The following PLXNA1 variants were observed in gnomAD, a reference collection of about 807,000 sequenced individuals.
PLXNA1 encodes the protein plexin-A1.
Under a neutral mutation model 191.7 loss-of-function variants are expected in PLXNA1, and 77 were observed. That is an observed-to-expected ratio of 0.40 (90% CI 0.33 to 0.49). PLXNA1 has a LOEUF of 0.49. PLXNA1 is among the 20% of genes least tolerant of loss of function. The pLI is 0.63. For missense variants in PLXNA1, 2,110 were observed against 2,660.2 expected, an observed-to-expected ratio of 0.79 and a Z score of 4.55; for synonymous variants, 1,137 against 1,156.4, an observed-to-expected ratio of 0.98 and a Z score of 0.34.
At chr3:126,998,901 A>C (rs1199426214) in intron 3 of PLXNA1, among the ~76,000 whole-genome samples, 5 of 152,226 alleles carry the variant, frequency 3.3e-5, no homozygotes, top group Admixed American at 2.6e-4. Flanking sequence ...GCCTGATTCC[A>C]GCCCTCGGGC....
Position 127,006,098 on chromosome 3 carries a change from ACT to A in PLXNA1, c.1920_1921del (p.Tyr641ProfsTer51). 1 of 1,613,542 alleles carries A rather than the reference ACT, an allele frequency of 6.2e-7. No homozygotes were observed. The highest frequency in any genetic ancestry group is 8.5e-7 in the Non-Finnish European group (1 of 1,179,890). On this transcript the variant is annotated frameshift_variant, in exon 8 of 32. Coordinates refer to ENST00000393409, the MANE Select transcript of PLXNA1 (RefSeq NM_032242.4). LOFTEE classifies it high-confidence loss of function. ...GTGCAGGAGACCAGCGGGTGGTGAA[ACT>A]CTACCTAAAGTCCAAGGAGACAGGG... ...RGQGDQRVVKLYLKSKETGKK... is the reference protein window; with the variant it reads ...RGQGDQRVVKXYLKSKETGKK...
chr3:127,021,612 G>A (rs1012000907), intron 21 of PLXNA1, among the ~76,000 whole-genome samples: 4 of 152,198 alleles, frequency 2.6e-5, no homozygotes, highest in Non-Finnish European at 2.9e-5. Context: ...TTGTCAAGGC[G>A]GAGGGAGATG....
intron 29 of PLXNA1, 45 bp from the exon 30 acceptor site, chr3:127,032,341 AG>A (rs1463994277): frequency 6.4e-7 from 1 of 1,568,608 alleles, no homozygotes; most frequent in East Asian, 2.2e-5. Flanking sequence ...ACTGCTCAGG[AG>A]GGAGCAGAGG....
intron 17 of PLXNA1, 140 bp from the exon 18 acceptor site, chr3:127,017,285 G>T (rs956693161): frequency 1.6e-6 from 2 of 1,281,688 alleles, no homozygotes; most frequent in South Asian, 3.0e-5. Context: ...ACGTCGGGTG[G>T]GTGGCCCAGG....
At position 127,022,447 on chromosome 3, in the gene PLXNA1, G is replaced by A; in HGVS notation, c.4295+106G>A. On this transcript the variant is annotated intron_variant, in intron 22 of 31. Coordinates refer to ENST00000393409, the MANE Select transcript of PLXNA1 (RefSeq NM_032242.4). ...ACGTTGCTGTGGCAGTTCCCACCGGGCAGGGGTGGGAGGACTCACCTGGCC... is the reference window on the plus strand; with the variant it reads ...ACGTTGCTGTGGCAGTTCCCACCGGACAGGGGTGGGAGGACTCACCTGGCC... 2.8e-6 allele frequency: 4 copies of A among 1,405,746 alleles called. No individual in the cohort carries two copies. In the South Asian group the frequency reaches 5.3e-5, roughly 19 times the overall value. The allele number at this position is 1,405,746 out of a possible 1,614,324, so 87.1% of individuals were successfully genotyped here. A position where few individuals can be genotyped will look rare whatever the true frequency, so the allele number is the denominator to read the frequency against.
chr3:127,028,390 G>T (rs1341096361), intron 25 of PLXNA1, 50 bp downstream of exon 25: 7 of 1,569,046 alleles, frequency 4.5e-6, no homozygotes, highest in Non-Finnish European at 6.0e-6. Context: ...GAGCAGAGGG[G>T]CAGGGCCATG....
intron 1 of PLXNA1, among the ~76,000 whole-genome samples, chr3:126,985,139 G>A (rs2078952041): frequency 6.6e-6 from 1 of 152,142 alleles, no homozygotes; most frequent in Non-Finnish European, 1.5e-5. Flanking sequence ...CTTCCTTGTG[G>A]GGAGGGCTTT....
intron 3 of PLXNA1, among the ~76,000 whole-genome samples, chr3:127,002,110 C>G (rs969941157): frequency 6.6e-6 from 1 of 152,212 alleles, no homozygotes; most frequent in African/African-American, 2.4e-5. Flanking sequence ...GCGGCCGTGG[C>G]CTGGTTGCTC....
chr3:126,991,446 C>G lies in PLXNA1; in HGVS notation c.1257C>G (p.Val419=), dbSNP rs1264966856. The stretch of plus-strand genomic sequence containing the variant: ...TCAACCAGCCCCTGGGGGGCACAGT[C>G]ACCATTGAGGGGACGCCCCTGTTCG... ...QDFNQPLGGT[V]TIEGTPLFVD... The change falls in exon 3 of 32, where the codon GTC becomes GTG. Residue 419 remains valine, a synonymous_variant. Transcript: ENST00000393409. The G allele has an allele frequency of 1.9e-6, 3 of 1,612,806 alleles. No individual in the cohort carries two copies. The African/African-American group carries it at 4.0e-5, about 22-fold the overall frequency.
intron 1 of PLXNA1, among the ~76,000 whole-genome samples, chr3:126,987,782 C>T (rs887622111): frequency 2.0e-5 from 3 of 149,698 alleles, no homozygotes; most frequent in South Asian, 2.2e-4. Context: ...GCGGGGCACC[C>T]GTCGGCTGGG....
chr3:127,022,130 C>T lies in PLXNA1; in HGVS notation c.4084C>T (p.Leu1362=). ...GTCGCTGACACTGTTCGGGCAGCTG[C>T]TGACCAAGAAGCACTTCCTGCTGAC... The part of the protein sequence containing the change: ...EKSLTLFGQL[L]TKKHFLLTFI... Residue 1362 remains leucine, a synonymous_variant, in exon 22 of 32, where the codon CTG becomes TTG. Coordinates refer to ENST00000393409, the MANE Select transcript of PLXNA1 (RefSeq NM_032242.4). 1 of 1,613,270 alleles carries T rather than the reference C, an allele frequency of 6.2e-7. No individual in the cohort carries two copies. The highest frequency in any genetic ancestry group is 8.5e-7 in the Non-Finnish European group (1 of 1,180,010).
In PLXNA1 at chr3:126,991,411, G is replaced by C; in HGVS notation, c.1222G>C (p.Gly408Arg). The C allele has an allele frequency of 6.2e-7, 1 of 1,612,744 alleles. No individual in the cohort carries two copies. Among genetic ancestry groups the C allele is most frequent in the Non-Finnish European group, 8.5e-7 (1 of 1,179,864 alleles). The change falls in exon 3 of 32, where the codon GGG (glycine) becomes CGG (arginine). Residue 408 changes from glycine (G) to arginine (R), a missense_variant. Physicochemically the swap from Gly to Arg is moderately radical, Grantham distance 125. Around this residue, in one of 4 missense-constraint regions of PLXNA1, gnomAD observed 903 missense variants for 1,015.7 expected, o/e 0.89. Coordinates refer to ENST00000393409, the MANE Select transcript of PLXNA1 (RefSeq NM_032242.4). ...SPLQIDDDFCGQDFNQPLGGT... is the reference protein window; with the variant it reads ...SPLQIDDDFCRQDFNQPLGGT... ...CCTGCAGATCGATGACGACTTCTGC[G>C]GGCAGGACTTCAACCAGCCCCTGGG...
Position 126,989,604 on chromosome 3 carries a change from GT to G in PLXNA1, c.1013del (p.Phe338SerfsTer12). On this transcript the variant is annotated frameshift_variant, in exon 2 of 32. Coordinates refer to ENST00000393409, the MANE Select transcript of PLXNA1 (RefSeq NM_032242.4). LOFTEE classifies it high-confidence loss of function. ...LGLAEDEDVLFTVFAQGQKNR... is the reference protein window; with the variant it reads ...LGLAEDEDVLXTVFAQGQKNR... The stretch of plus-strand genomic sequence containing the variant: ...GCCTGGCTGAGGACGAGGACGTGCT[GT>G]TCACTGTGTTCGCCCAGGGCCAGAA... 1 of 1,613,210 alleles carries G rather than the reference GT, an allele frequency of 6.2e-7. No individual in the cohort carries two copies. Among genetic ancestry groups the G allele is most frequent in the Non-Finnish European group, 8.5e-7 (1 of 1,180,018 alleles).
Position 127,015,725 on chromosome 3 carries a change from TG to T in PLXNA1, c.3014+407del, listed in dbSNP as rs2079119516. Among the ~76,000 whole-genome samples, 3 of 152,350 alleles carry T rather than the reference TG, an allele frequency of 2.0e-5. No homozygotes were observed. In the South Asian group the frequency reaches 6.2e-4, roughly 32 times the overall value. ...GAATGTCCCTTTAAATATTTTCCTA[TG>T]GTAATTACCCGTTATCAGACTAATC... On this transcript the variant is annotated intron_variant, in intron 15 of 31. Transcript: ENST00000393409.
rs747274300 is a variant in PLXNA1, at chr3:126,988,696, G to A, written c.103G>A (p.Gly35Arg). The change falls in exon 2 of 32, where the codon GGG becomes AGG. Residue 35 changes from glycine (G) to arginine (R), a missense_variant. Coordinates refer to ENST00000393409, the MANE Select transcript of PLXNA1 (RefSeq NM_032242.4). ...TGAGGCAGGCTTGCCCAGGGCAGGC[G>A]GGGGTTCACAGCCCCCCTTCCGCAC... ...WAEAGLPRAG[G>R]GSQPPFRTFS... is the part of the protein sequence containing the mutation. The A allele has an allele frequency of 1.5e-5, 23 of 1,574,580 alleles. No individual in the cohort carries two copies. Among genetic ancestry groups the A allele is most frequent in the Admixed American group, 1.2e-4 (7 of 57,586 alleles).
intron 23 of PLXNA1, among the ~76,000 whole-genome samples, chr3:127,023,883 C>G (rs1295379442): frequency 1.3e-5 from 2 of 152,068 alleles, no homozygotes; most frequent in Non-Finnish European, 2.9e-5. Flanking sequence ...GAAGAGGCCA[C>G]TGGGGAGAAG....
intron 3 of PLXNA1, among the ~76,000 whole-genome samples, chr3:126,999,643 C>T (rs541828753): frequency 1.1e-4 from 17 of 152,182 alleles, no homozygotes; most frequent in African/African-American, 1.7e-4. Flanking sequence ...CTGACCTGGC[C>T]GGGCCCTCAG....
At chr3:127,027,428 G>A in intron 23 of PLXNA1, 1 of 358,236 alleles carries the variant, frequency 2.8e-6, no homozygotes, top group South Asian at 2.1e-5. Context: ...GTAATATGGG[G>A]GCCCAGCTGG....
In PLXNA1 at chr3:127,034,187, T is replaced by A. The variant is rs968128716; in HGVS notation, c.*170T>A. On this transcript the variant is annotated 3_prime_UTR_variant, in exon 32 of 32. Coordinates refer to ENST00000393409, the MANE Select transcript of PLXNA1 (RefSeq NM_032242.4). ...CACCCGGTCGGGTCCCGGCTCTTCC[T>A]GTGTGGAGGTGATGGTACCTGCCAC... The A allele has an allele frequency of 1.0e-5, 6 of 588,296 alleles. No homozygotes were observed. The East Asian group carries it at 1.7e-4, about 17-fold the overall frequency. 36.4% of individuals were successfully genotyped at this position (588,296 alleles called of 1,614,324 possible).
Sources: gnomAD v4.1 joint callset for allele counts (sites outside exome capture counted in the v4.1 genomes callset) on GRCh38, gnomAD v4.1.1 for gene constraint, gnomAD v4.1.1 regional missense constraint, MANE v1.5 for transcripts, NCBI Gene and HGNC (gene_info 2026-07-23, HGNC 2026-07-21) for gene names.